DSCAM: variants seen among roughly 807,000 people sequenced by gnomAD.
DSCAM encodes the protein cell adhesion molecule DSCAM.
DSCAM carries 47 observed loss-of-function variants against 217.7 expected under a neutral mutation model. That is an observed-to-expected ratio of 0.22 (90% confidence interval 0.17 to 0.28). The LOEUF (loss-of-function observed/expected upper bound fraction) is 0.28, where lower values mean the gene tolerates loss of function less well. Ranked by LOEUF, DSCAM falls within the 10% of genes least tolerant of loss-of-function variation. The pLI is 1.00. For synonymous variants in DSCAM, 1,056 were observed against 1,015.3 expected (o/e 1.04, Z -0.76); for missense variants, 2,080 against 2,618.3 (o/e 0.79, Z 4.49).
At position 40,312,127 on chromosome 21, in the gene DSCAM, C is replaced by T. The variant is rs974027502; in HGVS notation, c.2016G>A (p.Arg672=). 1 of 1,614,020 alleles carries T rather than the reference C, an allele frequency of 6.2e-7. No homozygotes were observed. Among genetic ancestry groups the T allele is most frequent in the Non-Finnish European group, 8.5e-7 (1 of 1,179,982 alleles). ...MHNGNYTCIA[R]NEAAAVEHQS... is the part of the protein sequence containing the mutation. ...GGTGCTCCACAGCGGCGGCCTCATT[C>T]CGGGCTATGCAGGTGTAATTCCCAT... Residue 672 remains arginine (R), a synonymous_variant, in exon 9 of 33, where the codon CGG becomes CGA. Coordinates refer to ENST00000400454, the MANE Select transcript of DSCAM (RefSeq NM_001389.5).
At chr21:40,268,292 T>C (rs757906971) in intron 11 of DSCAM, among the ~76,000 whole-genome samples, 1 of 152,182 alleles carries the variant, frequency 6.6e-6, no homozygotes, top group Non-Finnish European at 1.5e-5. Flanking sequence ...CAGTGAACCC[T>C]GCTGATGGGC....
chr21:40,271,391 G>A (rs568027028), intron 11 of DSCAM, among the ~76,000 whole-genome samples: 3 of 152,286 alleles, frequency 2.0e-5, no homozygotes, highest in East Asian at 1.9e-4. Flanking sequence ...AAAGCAGAGC[G>A]GCTTGTTCAC....
chr21:40,055,703 A>G (rs2089005681), intron 29 of DSCAM, 22 bp downstream of exon 29: 1 of 1,584,920 alleles, frequency 6.3e-7, no homozygotes, highest in African/African-American at 1.3e-5. Context: ...CTTTGTGTAA[A>G]GTGGCAAATA....
chr21:40,162,559 C>G (rs1014297671), intron 16 of DSCAM, among the ~76,000 whole-genome samples: 1 of 152,176 alleles, frequency 6.6e-6, no homozygotes, highest in African/African-American at 2.4e-5. Context: ...GAGCTCAACT[C>G]TGAAACTTAA....
chr21:40,776,127 A>T (rs959300864), intron 1 of DSCAM, among the ~76,000 whole-genome samples: 3 of 152,120 alleles, frequency 2.0e-5, no homozygotes, highest in African/African-American at 7.2e-5. Context: ...TATTGTGTAA[A>T]GTGGCCTATC....
intron 3 of DSCAM, among the ~76,000 whole-genome samples, chr21:40,518,600 AT>A (rs2076333573): frequency 1.2e-5 from 1 of 83,954 alleles, no homozygotes; most frequent in African/African-American, 6.8e-5. Context: ...ACACACACAT[AT>A]ATACATACAC....
intron 1 of DSCAM, among the ~76,000 whole-genome samples, chr21:40,777,841 C>T (rs1257257371): frequency 6.6e-6 from 1 of 152,074 alleles, no homozygotes; most frequent in Non-Finnish European, 1.5e-5. Context: ...TCCAAACACA[C>T]TTTGACAAAA....
chr21:40,208,629 G>A (rs749984551), intron 11 of DSCAM, among the ~76,000 whole-genome samples: 7 of 152,156 alleles, frequency 4.6e-5, no homozygotes, highest in Non-Finnish European at 8.8e-5. Flanking sequence ...GAAACAGCTG[G>A]GGAAAGAAGT....
intron 1 of DSCAM, among the ~76,000 whole-genome samples, chr21:40,798,119 A>G (rs1455881355): frequency 1.3e-5 from 2 of 152,152 alleles, no homozygotes; most frequent in Non-Finnish European, 2.9e-5. Flanking sequence ...CAGCAGATTT[A>G]GGGTCAAAAA....
rs189631268 is a variant in DSCAM, at chr21:40,764,047, T to C, written c.44-55276A>G. ...GACATTGGCATGGGCAAAGACTTCA[T>C]GAGTAAAACACCAAAAGCAATGGCA... On this transcript the variant is annotated intron_variant, in intron 1 of 32. Transcript: ENST00000400454. Among the ~76,000 whole-genome samples the C allele has an allele frequency of 9.6e-4, 146 of 152,278 alleles. 1 individual carries two copies. The highest frequency in any genetic ancestry group is 3.3e-3 in the African/African-American group (138 of 41,554).
At chr21:40,329,654 A>G (rs1046349099) in intron 8 of DSCAM, among the ~76,000 whole-genome samples, 1 of 148,092 alleles carries the variant, frequency 6.8e-6, no homozygotes, top group Non-Finnish European at 1.5e-5. Context: ...ATAAATAAAT[A>G]AATAATAAAA....
intron 32 of DSCAM, among the ~76,000 whole-genome samples, chr21:40,031,443 G>T (rs2088522474): frequency 6.6e-6 from 1 of 152,062 alleles, no homozygotes; most frequent in Non-Finnish European, 1.5e-5. Context: ...AAGACACTGG[G>T]TATTACCCTA....
At position 40,532,914 on chromosome 21, in the gene DSCAM, ACG is replaced by A. The variant is rs200216105; in HGVS notation, c.508+159894_508+159895del. 5.3e-5 allele frequency among the ~76,000 whole-genome samples: 8 copies of A among 151,028 alleles called. No individual in the cohort carries two copies. In the East Asian group the frequency reaches 1.6e-3, roughly 30 times the overall value. On this transcript the variant is annotated intron_variant, in intron 3 of 32. Transcript: ENST00000400454. ...TGTGTGTGTGTGTGTGTGTGTGCAC[ACG>A]CACGCGCATGTGCGCATATGTGCTT... is the stretch of plus-strand genomic sequence containing the variant.
chr21:40,631,116 G>A (rs1241417167), intron 3 of DSCAM, among the ~76,000 whole-genome samples: 1 of 152,178 alleles, frequency 6.6e-6, no homozygotes, highest in Non-Finnish European at 1.5e-5. Flanking sequence ...TGAACCTTCT[G>A]TGCTTACACA....
chr21:40,647,115 T>C (rs180970761), intron 3 of DSCAM, among the ~76,000 whole-genome samples: 2 of 152,348 alleles, frequency 1.3e-5, no homozygotes. Flanking sequence ...CCTATTATCA[T>C]CACTTTATTG....
intron 27 of DSCAM, among the ~76,000 whole-genome samples, chr21:40,064,536 C>T (rs1025346829): frequency 3.3e-5 from 5 of 152,172 alleles, no homozygotes; most frequent in African/African-American, 7.2e-5. Flanking sequence ...TTGGCTGCCA[C>T]GTGCAGGCAT....
chr21:40,534,471 G>C (rs2076479539), intron 3 of DSCAM, among the ~76,000 whole-genome samples: 1 of 152,152 alleles, frequency 6.6e-6, no homozygotes, highest in African/African-American at 2.4e-5. Context: ...GGTAGCTGAA[G>C]GGAGTCTTCC....
In DSCAM at chr21:40,227,191, C is replaced by T. The variant is rs749706798; in HGVS notation, c.2357-37953G>A. On this transcript the variant is annotated intron_variant, in intron 11 of 32. Coordinates refer to ENST00000400454, the MANE Select transcript of DSCAM (RefSeq NM_001389.5). ...ATCATTTAAGGATCAAAGACTGATG[C>T]TGGGATAAAATGTGTCATGGTTGAC... 2.0e-5 allele frequency among the ~76,000 whole-genome samples: 3 copies of T among 152,126 alleles called. 1 individual carries two copies. Among genetic ancestry groups the T allele is most frequent in the Admixed American group, 1.3e-4 (2 of 15,268 alleles).
chr21:40,374,569 T>G (rs117990601), intron 3 of DSCAM, among the ~76,000 whole-genome samples: 679 of 152,314 alleles, frequency 4.5e-3, no homozygotes, highest in Non-Finnish European at 7.4e-3. Context: ...CCATGGAGTA[T>G]TTTTGTATAC....
Sources: gnomAD v4.1 joint callset for allele counts (sites outside exome capture counted in the v4.1 genomes callset) on GRCh38, gnomAD v4.1.1 for gene constraint, MANE v1.5 for transcripts, NCBI Gene and HGNC (gene_info 2026-07-23, HGNC 2026-07-21) for gene names.